Variants in CRX observed in about 807,000 individuals in gnomAD.
CRX encodes the protein cone-rod homeobox.
Under a neutral mutation model 13.1 loss-of-function variants are expected in CRX, and 5 were observed. The ratio of observed to expected loss-of-function variants is 0.38; its 90% CI spans 0.20 to 0.80. The LOEUF is 0.80. Ranked by LOEUF, CRX falls within the 30% of genes least tolerant of loss-of-function variation. The pLI, the probability that CRX is intolerant of heterozygous loss-of-function variation, is 0.43. For synonymous variants in CRX, 179 were observed against 171.1 expected, an observed-to-expected ratio of 1.05 and a Z score of -0.36; for missense variants, 351 against 391.8, an observed-to-expected ratio of 0.90 and a Z score of 0.88.
At chr19:47,836,138 G>A in intron 2 of CRX, 105 bp from the exon 3 acceptor site, 1 of 1,415,456 alleles carries the variant, frequency 7.1e-7, no homozygotes, top group Non-Finnish European at 9.9e-7. Context: ...CCTTAGTTTA[G>A]GCAGATGGCA....
At chr19:47,837,836 A>G (rs1968137061) in intron 3 of CRX, among the ~76,000 whole-genome samples, 1 of 152,162 alleles carries the variant, frequency 6.6e-6, no homozygotes, top group African/African-American at 2.4e-5. Flanking sequence ...TGATGTATGT[A>G]TGATCAGATG....
At chr19:47,832,639 CT>C (rs1244238774) in intron 1 of CRX, among the ~76,000 whole-genome samples, 6 of 151,812 alleles carry the variant, frequency 4.0e-5, no homozygotes, top group African/African-American at 1.2e-4. Context: ...GCGTGCACCC[CT>C]GTGCCCAGCT....
intron 3 of CRX, among the ~76,000 whole-genome samples, chr19:47,837,286 C>A (rs544091400): frequency 6.6e-6 from 1 of 152,296 alleles, no homozygotes; most frequent in Non-Finnish European, 1.5e-5. Flanking sequence ...CCTGCCTCAG[C>A]CTCCTGTGTA....
chr19:47,824,410 C>G (rs73941285), intron 1 of CRX, among the ~76,000 whole-genome samples: 2,018 of 152,180 alleles, frequency 0.013, 47 homozygotes, highest in African/African-American at 0.046. Flanking sequence ...CGCTGACGTG[C>G]GAGACAGAAC....
At chr19:47,825,805 G>T (rs1483178559) in intron 1 of CRX, among the ~76,000 whole-genome samples, 1 of 151,880 alleles carries the variant, frequency 6.6e-6, no homozygotes, top group Non-Finnish European at 1.5e-5. Context: ...CATGCCTGTT[G>T]TCCCAGGTTG....
intron 1 of CRX, among the ~76,000 whole-genome samples, chr19:47,823,691 C>T (rs1358593916): frequency 1.4e-5 from 2 of 145,152 alleles, no homozygotes; most frequent in African/African-American, 5.3e-5. Context: ...ACTCTGTGGC[C>T]CAGGCTGGAG....
intron 1 of CRX, among the ~76,000 whole-genome samples, chr19:47,823,178 C>T (rs766039404): frequency 3.3e-5 from 5 of 152,142 alleles, no homozygotes; most frequent in Non-Finnish European, 5.9e-5. Flanking sequence ...GTCTTGCTCT[C>T]GGCTGTATTC....
chr19:47,840,492 C>T lies in CRX; in HGVS notation c.*525C>T, dbSNP rs2123744192. On this transcript the variant is annotated 3_prime_UTR_variant, in exon 4 of 4. Transcript: ENST00000221996. ...TCTCAGCTCACTGCAAGCTCTACCTCCCGGGTTCACGCCATTCTCCTGCCT... is the reference window on the plus strand; with the variant it reads ...TCTCAGCTCACTGCAAGCTCTACCTTCCGGGTTCACGCCATTCTCCTGCCT... The T allele has an allele frequency of 6.4e-6, 1 of 156,792 alleles. No individual in the cohort carries two copies. The highest frequency in any genetic ancestry group is 3.4e-3 in the Middle Eastern group (1 of 294). 9.7% of individuals were successfully genotyped at this position (156,792 alleles called of 1,614,324 possible). A position where few individuals can be genotyped will look rare whatever the true frequency, so the allele number is the denominator to read the frequency against.
Position 47,839,302 on chromosome 19 carries a change from T to G in CRX, c.253-18T>G. 6.2e-7 allele frequency: 1 copy of G among 1,611,394 alleles called. No individual in the cohort carries two copies. Among genetic ancestry groups the G allele is most frequent in the South Asian group, 1.1e-5 (1 of 90,892 alleles). On this transcript the variant is annotated intron_variant, in intron 3 of 3. Coordinates refer to ENST00000221996, the MANE Select transcript of CRX (RefSeq NM_000554.6). The surrounding 1 kb of genome is among the most constrained non-coding windows in gnomAD (Gnocchi z 4.6). ...TCTTCCCCACTTACCCACCCCCATC[T>G]CCGCTCTTATCCCCCAGGTTTGGTT...
At chr19:47,832,655 T>A (rs1440982080) in intron 1 of CRX, among the ~76,000 whole-genome samples, 1 of 151,408 alleles carries the variant, frequency 6.6e-6, no homozygotes, top group African/African-American at 2.4e-5. Context: ...CCAGCTAATT[T>A]TTGTATTTTT....
rs1968117124 is a variant in CRX at position 47,836,307 on chromosome 19, G to A, written c.165G>A (p.Glu55=). Residue 55 remains glutamate, a synonymous_variant, in exon 3 of 4, where the codon GAG becomes GAA. Coordinates refer to ENST00000221996, the MANE Select transcript of CRX (RefSeq NM_000554.6). ...TFTRSQLEEL[E]ALFAKTQYPD... ...CCCGGAGCCAACTGGAGGAGCTGGA[G>A]GCACTGTTTGCCAAGACCCAGTACC... The A allele has an allele frequency of 6.2e-7, 1 of 1,614,068 alleles. No homozygotes were observed. The highest frequency in any genetic ancestry group is 1.3e-5 in the African/African-American group (1 of 74,922).
intron 1 of CRX, among the ~76,000 whole-genome samples, chr19:47,822,766 ACT>A (rs1304080033): frequency 6.6e-6 from 1 of 151,168 alleles, no homozygotes; most frequent in Non-Finnish European, 1.5e-5. Flanking sequence ...CAGCACAGTC[ACT>A]CTCTCTGATC....
chr19:47,825,423 G>A (rs1168756856), intron 1 of CRX, among the ~76,000 whole-genome samples: 1 of 152,186 alleles, frequency 6.6e-6, no homozygotes, highest in Admixed American at 6.6e-5. Context: ...ACCACGCCCA[G>A]CCCTCACTGG....
At chr19:47,826,813 G>A (rs1380253964) in intron 1 of CRX, among the ~76,000 whole-genome samples, 1 of 152,198 alleles carries the variant, frequency 6.6e-6, no homozygotes, top group East Asian at 1.9e-4. Context: ...GAATCCAAGA[G>A]TGGCTTAACT....
Position 47,834,640 on chromosome 19 carries a change from G to A in CRX, c.100+97G>A, listed in dbSNP as rs62128767. 139,724 of 910,776 alleles carry A rather than the reference G, an allele frequency of 0.15. 12,323 individuals are homozygous for A. Among genetic ancestry groups the A allele is most frequent in the Non-Finnish European group, 0.18 (100,568 of 561,364 alleles). 56.4% of individuals were successfully genotyped at this position (910,776 alleles called of 1,614,324 possible). ...CCCCAGGAAGAAGGCAATCACAGGG[G>A]CGACTTCAGGGCCATACACCAGCCC... is the stretch of plus-strand genomic sequence containing the variant. On this transcript the variant is annotated intron_variant, in intron 2 of 3. Coordinates refer to ENST00000221996, the MANE Select transcript of CRX (RefSeq NM_000554.6).
At chr19:47,824,789 C>T (rs1454532673) in intron 1 of CRX, among the ~76,000 whole-genome samples, 1 of 152,130 alleles carries the variant, frequency 6.6e-6, no homozygotes, top group African/African-American at 2.4e-5. Flanking sequence ...AGCCTGGGGC[C>T]TCCCAGGTTG....
In CRX at chr19:47,841,573, T is replaced by A. The variant is rs1165971606; in HGVS notation, c.*1606T>A. 7.2e-6 allele frequency: 1 copy of A among 138,796 alleles called. No individual in the cohort carries two copies. The highest frequency in any genetic ancestry group is 1.5e-5 in the Non-Finnish European group (1 of 65,336). The allele number at this position is 138,796 out of a possible 1,614,324, so 8.6% of individuals were successfully genotyped here. A position where few individuals can be genotyped will look rare whatever the true frequency, so the allele number is the denominator to read the frequency against. On this transcript the variant is annotated 3_prime_UTR_variant, in exon 4 of 4. Coordinates refer to ENST00000221996, the MANE Select transcript of CRX (RefSeq NM_000554.6). ...CAAACATACATTCCCTTTTTTAGAT[T>A]TTTTTTTTTTTTTTTTTGGTTTTCA...
In CRX at chr19:47,843,248, C is replaced by T. The variant is rs1968220321; in HGVS notation, c.*3281C>T. 1 of 152,278 alleles carries T rather than the reference C, an allele frequency of 6.6e-6. No individual in the cohort carries two copies. The highest frequency in any genetic ancestry group is 1.5e-5 in the Non-Finnish European group (1 of 68,080). The allele number at this position is 152,278 out of a possible 1,614,324, so 9.4% of individuals were successfully genotyped here. A position where few individuals can be genotyped will look rare whatever the true frequency, so the allele number is the denominator to read the frequency against. On this transcript the variant is annotated 3_prime_UTR_variant, in exon 4 of 4. Transcript: ENST00000221996. ...AAGGTGTCACCTTATCTGTCCTCCTCTTCCCCACACACTGGCCTCTGGGTC... is the reference window on the plus strand; with the variant it reads ...AAGGTGTCACCTTATCTGTCCTCCTTTTCCCCACACACTGGCCTCTGGGTC...
Sources: allele counts gnomAD v4.1 joint callset (sites outside exome capture counted in the v4.1 genomes callset), GRCh38; gene constraint gnomAD v4.1.1; non-coding constraint Gnocchi (gnomAD v3.1); transcripts MANE v1.5; gene names NCBI Gene and HGNC (gene_info 2026-07-23, HGNC 2026-07-21).